Variants in TSHZ1 observed in about 807,000 individuals in gnomAD.
The protein encoded by TSHZ1 is teashirt zinc finger homeobox 1.
TSHZ1 carries 12 observed loss-of-function variants against 67.1 expected under a neutral mutation model. The ratio of observed to expected loss-of-function variants is 0.18; its 90% confidence interval spans 0.11 to 0.29. The LOEUF (loss-of-function observed/expected upper bound fraction) is 0.29. TSHZ1 is among the 10% of genes least tolerant of loss of function. TSHZ1 has a pLI of 1.00. For synonymous variants in TSHZ1, 632 were observed against 622.4 expected, an observed-to-expected ratio of 1.02 and a Z score of -0.23; for missense variants, 1,305 against 1,413.9, an observed-to-expected ratio of 0.92 and a Z score of 1.23.
chr18:75,236,489 T>C (rs954462693), intron 1 of TSHZ1, among the ~76,000 whole-genome samples: 8 of 152,226 alleles, frequency 5.3e-5, no homozygotes, highest in Admixed American at 5.2e-4. Flanking sequence ...CGTTCATTAT[T>C]CTTTATAAAT....
At chr18:75,230,030 T>G (rs1364896719) in intron 1 of TSHZ1, among the ~76,000 whole-genome samples, 2 of 152,234 alleles carry the variant, frequency 1.3e-5, no homozygotes, top group African/African-American at 4.8e-5. Context: ...AATCCTATTA[T>G]GGTTTATAGG....
At chr18:75,266,398 C>T (rs779942002) in intron 1 of TSHZ1, among the ~76,000 whole-genome samples, 10 of 152,018 alleles carry the variant, frequency 6.6e-5, no homozygotes, top group Non-Finnish European at 1.0e-4. Context: ...TCATTGAGTT[C>T]GTGTGCAGAT....
At chr18:75,254,850 A>G (rs951401985) in intron 1 of TSHZ1, among the ~76,000 whole-genome samples, 2 of 152,218 alleles carry the variant, frequency 1.3e-5, no homozygotes, top group African/African-American at 4.8e-5. Flanking sequence ...TGGCAAAAGC[A>G]TGTAGATTTT....
rs2023687330 is a variant in TSHZ1 at position 75,281,677 on chromosome 18, T to C, written c.41-3771T>C. ...AACGGGCAAGAGCAGGAGGCAGACC[T>C]GGGGATGCGGCAGCTCAGAACGGGG... On this transcript the variant is annotated intron_variant, in intron 1 of 1. Transcript: ENST00000580243. The surrounding 1 kb of genome is among the most constrained non-coding windows in gnomAD (Gnocchi z 5.3). 6.6e-6 allele frequency among the ~76,000 whole-genome samples: 1 copy of C among 152,060 alleles called. No individual in the cohort carries two copies. The highest frequency in any genetic ancestry group is 1.5e-5 in the Non-Finnish European group (1 of 68,002).
intron 1 of TSHZ1, among the ~76,000 whole-genome samples, chr18:75,238,001 G>A (rs6566063): frequency 0.46 from 69,538 of 151,738 alleles, 16,106 homozygotes; most frequent in South Asian, 0.64. Flanking sequence ...TAGTAGAGAC[G>A]GGGTTTCTCC....
intron 1 of TSHZ1, among the ~76,000 whole-genome samples, chr18:75,270,262 T>C (rs2023541717): frequency 6.6e-6 from 1 of 152,154 alleles, no homozygotes; most frequent in South Asian, 2.1e-4. Flanking sequence ...TTTCCTCATA[T>C]GGGAATAGAG....
At position 75,288,657 on chromosome 18, in the gene TSHZ1, G is replaced by GA. The variant is rs2023820193; in HGVS notation, c.*17dup. 6.4e-7 allele frequency: 1 copy of GA among 1,564,502 alleles called. No individual in the cohort carries two copies. The highest frequency in any genetic ancestry group is 1.4e-5 in the African/African-American group (1 of 73,180). On this transcript the variant is annotated 3_prime_UTR_variant, in exon 2 of 2. Transcript: ENST00000580243. The surrounding 1 kb of genome is among the most constrained non-coding windows in gnomAD (Gnocchi z 4.9). ...GAAACAGTAGCGTCCAGGTATGCAA[G>GA]AGACCGCGGAACATTGCACTAAACG...
At chr18:75,253,432 A>G (rs2023327431) in intron 1 of TSHZ1, among the ~76,000 whole-genome samples, 1 of 152,256 alleles carries the variant, frequency 6.6e-6, no homozygotes, top group East Asian at 1.9e-4. Flanking sequence ...ATCAGTTGAC[A>G]ATGATGCCTT....
At position 75,286,210 on chromosome 18, in the gene TSHZ1, C is replaced by T. The variant is rs1372274658; in HGVS notation, c.803C>T (p.Thr268Ile). The part of the protein sequence containing the change: ...LVELTVHMNE[T>I]GHYRDDNRDK... ...GAACTGACGGTGCACATGAACGAGA[C>T]AGGCCACTACCGTGACGACAACAGG... The change falls in exon 2 of 2, where the codon ACA becomes ATA. Residue 268 changes from threonine to isoleucine, a missense_variant. Physicochemically the swap from Thr to Ile is moderately conservative, Grantham distance 89. Transcript: ENST00000580243. The surrounding 1 kb of genome is among the most constrained non-coding windows in gnomAD (Gnocchi z 5.1). 4 of 1,614,080 alleles carry T rather than the reference C, an allele frequency of 2.5e-6. No individual in the cohort carries two copies. Among genetic ancestry groups the T allele is most frequent in the East Asian group, 2.2e-5 (1 of 44,858 alleles).
At chr18:75,260,499 C>T (rs974189424) in intron 1 of TSHZ1, among the ~76,000 whole-genome samples, 1 of 152,226 alleles carries the variant, frequency 6.6e-6, no homozygotes, top group Non-Finnish European at 1.5e-5. Context: ...TGCAGAAGAG[C>T]ACCAGCAGAA....
intron 1 of TSHZ1, among the ~76,000 whole-genome samples, chr18:75,258,275 C>T (rs1234558664): frequency 1.3e-5 from 2 of 152,160 alleles, no homozygotes; most frequent in African/African-American, 2.4e-5. Context: ...CACCCCCAAG[C>T]GACATTTATT....
intron 1 of TSHZ1, among the ~76,000 whole-genome samples, chr18:75,222,743 G>A (rs1326438680): frequency 6.6e-6 from 1 of 152,024 alleles, no homozygotes; most frequent in Non-Finnish European, 1.5e-5. Context: ...CCTATTTTTT[G>A]TGGAGACACA....
intron 1 of TSHZ1, among the ~76,000 whole-genome samples, chr18:75,220,175 C>T (rs551103718): frequency 8.1e-4 from 124 of 152,316 alleles, no homozygotes; most frequent in Non-Finnish European, 1.3e-3. Flanking sequence ...GCATTTAAAA[C>T]ACTGTGCTCC....
chr18:75,213,704 A>G (rs1248521145), intron 1 of TSHZ1, among the ~76,000 whole-genome samples: 3 of 152,198 alleles, frequency 2.0e-5, no homozygotes, highest in Non-Finnish European at 2.9e-5. Flanking sequence ...CAGCTCTTAC[A>G]TAAAAACAAG....
chr18:75,225,535 C>G (rs1208187586), intron 1 of TSHZ1, among the ~76,000 whole-genome samples: 2 of 152,218 alleles, frequency 1.3e-5, no homozygotes, highest in Non-Finnish European at 2.9e-5. Context: ...AAGTCCCCCA[C>G]AGCCTCAGCA....
rs74178999 is a variant in TSHZ1, at chr18:75,246,403, GGTGTGTGT to G, written c.40+34522_40+34529del. Among the ~76,000 whole-genome samples the G allele has an allele frequency of 8.6e-3, 931 of 108,410 alleles. 8 individuals carry two copies. The highest frequency in any genetic ancestry group is 0.01 in the African/African-American group (286 of 28,262). The allele number at this position is 108,410 out of a possible 152,430, so 71.1% of individuals were successfully genotyped here. On this transcript the variant is annotated intron_variant, in intron 1 of 1. Transcript: ENST00000580243. ...CTCTGATGGGGTGTTTTTGGTTTCT[GGTGTGTGT>G]GTGTGTGTGTGTGTGTGTGTGTGTG...
intron 1 of TSHZ1, chr18:75,280,686 A>G: frequency 1.1e-6 from 1 of 949,530 alleles, no homozygotes; most frequent in Non-Finnish European, 1.3e-6. Context: ...TGTTTCAGTG[A>G]TAACTTAGCT....
chr18:75,261,583 C>T (rs77652036), intron 1 of TSHZ1, among the ~76,000 whole-genome samples: 3,042 of 152,300 alleles, frequency 0.02, 45 homozygotes, highest in Middle Eastern at 0.037. Flanking sequence ...ATGTGCACAG[C>T]CTGTGAGTTC....
At chr18:75,215,897 G>T (rs931634662) in intron 1 of TSHZ1, among the ~76,000 whole-genome samples, 10 of 152,004 alleles carry the variant, frequency 6.6e-5, no homozygotes, top group Non-Finnish European at 1.3e-4. Context: ...GCTACTTAAG[G>T]CTGCCCTGTT....
Sources: gnomAD v4.1 joint callset for allele counts (sites outside exome capture counted in the v4.1 genomes callset) on GRCh38, gnomAD v4.1.1 for gene constraint, Gnocchi (gnomAD v3.1) non-coding constraint, MANE v1.5 for transcripts, NCBI Gene and HGNC (gene_info 2026-07-23, HGNC 2026-07-21) for gene names.